The following HEATR5B variants were observed in gnomAD, a reference collection of about 807,000 sequenced individuals.
HEATR5B encodes HEAT repeat containing 5B.
A neutral mutation model predicts 224.1 loss-of-function variants in HEATR5B; 156 were observed. The ratio of observed to expected loss-of-function variants is 0.70; its 90% CI spans 0.61 to 0.80. The LOEUF is 0.80. Ranked by LOEUF, HEATR5B falls within the 30% of genes least tolerant of loss-of-function variation. The pLI is 0.00. For synonymous variants in HEATR5B, 1,027 were observed against 893.0 expected (o/e 1.15, Z -2.68); for missense variants, 2,323 against 2,535.5 (o/e 0.92, Z 1.80).
rs10203555 is a variant in HEATR5B at position 37,020,841 on chromosome 2, A to C, written c.3854-5T>G. On this transcript the variant is annotated splice_polypyrimidine_tract_variant and splice_region_variant and intron_variant, in intron 24 of 35. Coordinates refer to ENST00000233099, the MANE Select transcript of HEATR5B (RefSeq NM_019024.3). ...GATGAAGTACCAAGAGGTCATCTAA[A>C]AATAAAAATAGAATGCAAAAATGAA... 1.6e-3 allele frequency: 2,316 copies of C among 1,470,468 alleles called. 40 individuals are homozygous for C. In the African/African-American group the frequency reaches 0.031, roughly 19 times the overall value. The allele number at this position is 1,470,468 out of a possible 1,614,324, so 91.1% of individuals were successfully genotyped here.
chr2:37,032,834 T>C, intron 21 of HEATR5B, 61 bp from the exon 22 acceptor site: 1 of 1,433,800 alleles, frequency 7.0e-7, no homozygotes, highest in Non-Finnish European at 9.6e-7. Flanking sequence ...TTTAATCTTA[T>C]TTGCCCAATG....
chr2:37,058,395 A>G (rs989187624), intron 14 of HEATR5B, 56 bp downstream of exon 14: 2 of 972,788 alleles, frequency 2.1e-6, no homozygotes, highest in African/African-American at 1.6e-5. Flanking sequence ...ACTCTATAAT[A>G]CGGTGAAGAA....
In HEATR5B at chr2:37,079,319, C is replaced by T; in HGVS notation, c.139G>A (p.Glu47Lys). 1 of 1,601,490 alleles carries T rather than the reference C, an allele frequency of 6.2e-7. No homozygotes were observed. Among genetic ancestry groups the T allele is most frequent in the Non-Finnish European group, 8.5e-7 (1 of 1,174,648 alleles). The change falls in exon 3 of 36, where the codon GAA becomes AAA. Residue 47 changes from glutamate to lysine, a missense_variant. By Grantham distance (56) the Glu-to-Lys change is moderately conservative. Transcript: ENST00000233099. The stretch of plus-strand genomic sequence containing the variant: ...TGTTCAACAAGTTTTTTCTGTTTTT[C>T]CTTTACATCGGTCTGTTACAAAAAA... Reference protein sequence around the residue: ...LVAANKTDVKEKQKKLVEQLT... With the variant: ...LVAANKTDVKKKQKKLVEQLT...
At position 36,990,808 on chromosome 2, in the gene HEATR5B, GA is replaced by G; in HGVS notation, c.5546-10del. ...TGTAGGTACAGAGTCTTCTGAAAATGAAAAATGAAAGAAGTGTGCTGTTTCT... is the reference window on the plus strand; with the variant it reads ...TGTAGGTACAGAGTCTTCTGAAAATGAAAATGAAAGAAGTGTGCTGTTTCT... On this transcript the variant is annotated splice_polypyrimidine_tract_variant and intron_variant, in intron 33 of 35. Coordinates refer to ENST00000233099, the MANE Select transcript of HEATR5B (RefSeq NM_019024.3). 1 of 1,535,474 alleles carries G rather than the reference GA, an allele frequency of 6.5e-7. No individual in the cohort carries two copies. Among genetic ancestry groups the G allele is most frequent in the South Asian group, 1.2e-5 (1 of 81,648 alleles).
At chr2:37,070,695 C>T (rs1366375991) in intron 6 of HEATR5B, among the ~76,000 whole-genome samples, 2 of 152,222 alleles carry the variant, frequency 1.3e-5, no homozygotes, top group African/African-American at 4.8e-5. Flanking sequence ...ATACTACTAA[C>T]TGATCTCAGT....
At chr2:37,047,153 G>C (rs1402527270) in intron 18 of HEATR5B, among the ~76,000 whole-genome samples, 1 of 150,710 alleles carries the variant, frequency 6.6e-6, no homozygotes, top group Middle Eastern at 3.5e-3. Context: ...AGACCAGCCT[G>C]GGCAACACAG....
Position 37,008,081 on chromosome 2 carries a change from CG to C in HEATR5B, c.4522+529del, listed in dbSNP as rs536126292. The stretch of plus-strand genomic sequence containing the variant: ...TGGATTAAGGAAGGAAAAAAGGGGG[CG>C]GGGGAACTCCATTATTCTTATCATT... On this transcript the variant is annotated intron_variant, in intron 28 of 35. Coordinates refer to ENST00000233099, the MANE Select transcript of HEATR5B (RefSeq NM_019024.3). The C allele has an allele frequency of 3.6e-4, 56 of 156,164 alleles. 1 individual carries two copies. The highest frequency in any genetic ancestry group is 3.5e-3 in the Admixed American group (55 of 15,858). 9.7% of individuals were successfully genotyped at this position (156,164 alleles called of 1,614,324 possible). A position where few individuals can be genotyped will look rare whatever the true frequency, so the allele number is the denominator to read the frequency against.
chr2:37,017,233 A>T (rs2148426848), intron 26 of HEATR5B, among the ~76,000 whole-genome samples: 1 of 152,282 alleles, frequency 6.6e-6, no homozygotes, highest in South Asian at 2.1e-4. Context: ...AAAAATACAA[A>T]AATTAGCTGG....
At chr2:37,037,761 A>C (rs1669590652) in intron 21 of HEATR5B, 94 bp downstream of exon 21, 1 of 845,974 alleles carries the variant, frequency 1.2e-6, no homozygotes, top group Non-Finnish European at 1.6e-6. Flanking sequence ...GTACCCCAAA[A>C]ATATATATAG....
At chr2:37,057,161 T>C (rs1255560131) in intron 15 of HEATR5B, among the ~76,000 whole-genome samples, 156 bp downstream of exon 15, 2 of 152,244 alleles carry the variant, frequency 1.3e-5, no homozygotes, top group African/African-American at 4.8e-5. Flanking sequence ...TTTAACTTTT[T>C]TCACTATCTA....
At chr2:37,055,184 AT>A in intron 16 of HEATR5B, 1 of 292,444 alleles carries the variant, frequency 3.4e-6, no homozygotes, top group Non-Finnish European at 7.1e-6. Flanking sequence ...TTAATTTAAC[AT>A]TGTATCATGA....
chr2:37,071,440 A>C (rs1671899794), intron 6 of HEATR5B, among the ~76,000 whole-genome samples: 1 of 152,224 alleles, frequency 6.6e-6, no homozygotes. Context: ...AATGATAATC[A>C]AGAAAAATTA....
At chr2:37,011,082 C>A (rs1667756210) in intron 27 of HEATR5B, among the ~76,000 whole-genome samples, 1 of 152,216 alleles carries the variant, frequency 6.6e-6, no homozygotes, top group Non-Finnish European at 1.5e-5. Flanking sequence ...CTAGTACACT[C>A]TACCCAGTGC....
At chr2:37,015,966 A>T (rs1668087237) in intron 26 of HEATR5B, among the ~76,000 whole-genome samples, 1 of 152,190 alleles carries the variant, frequency 6.6e-6, no homozygotes, top group Non-Finnish European at 1.5e-5. Flanking sequence ...AATAAGAATA[A>T]AGAAAGAAAT....
At chr2:37,006,453 C>T (rs1667421872) in intron 29 of HEATR5B, among the ~76,000 whole-genome samples, 1 of 152,158 alleles carries the variant, frequency 6.6e-6, no homozygotes, top group African/African-American at 2.4e-5. Flanking sequence ...ACCAGCCTGA[C>T]CAACATGGAG....
intron 5 of HEATR5B, among the ~76,000 whole-genome samples, chr2:37,073,611 A>G (rs1243957652): frequency 1.3e-5 from 2 of 152,194 alleles, no homozygotes; most frequent in African/African-American, 4.8e-5. Flanking sequence ...TATTCTGTCA[A>G]TATTTGTACA....
chr2:37,010,308 G>A (rs1318328244), intron 27 of HEATR5B, among the ~76,000 whole-genome samples: 1 of 152,006 alleles, frequency 6.6e-6, no homozygotes, highest in East Asian at 1.9e-4. Flanking sequence ...GCCTAAGTAT[G>A]GTATCTGTAT....
chr2:37,041,112 A>G, intron 19 of HEATR5B, 21 bp downstream of exon 19: 1 of 1,583,064 alleles, frequency 6.3e-7, no homozygotes, highest in Non-Finnish European at 8.6e-7. Context: ...TTTTGTAATA[A>G]AAAAACCAAT....
chr2:37,062,992 G>T (rs1374324659), intron 10 of HEATR5B, among the ~76,000 whole-genome samples: 1 of 152,054 alleles, frequency 6.6e-6, no homozygotes, highest in Non-Finnish European at 1.5e-5. Context: ...GTATGACAGG[G>T]TCTCACTATG....
Sources: allele counts gnomAD v4.1 joint callset (sites outside exome capture counted in the v4.1 genomes callset), GRCh38; gene constraint gnomAD v4.1.1; transcripts MANE v1.5; gene names NCBI Gene and HGNC (gene_info 2026-07-23, HGNC 2026-07-21).